The following DLGAP2 variants were observed in gnomAD, a reference collection of about 807,000 sequenced individuals.
DLGAP2 encodes disks large-associated protein 2.
Under a neutral mutation model 100.3 loss-of-function variants are expected in DLGAP2, and 26 were observed. The ratio of observed to expected loss-of-function variants is 0.26; its 90% CI spans 0.19 to 0.36. The LOEUF is 0.36. Among genes scored for constraint, DLGAP2 ranks in the 10% least tolerant of loss-of-function variants. The pLI is 1.00. For synonymous variants in DLGAP2, 886 were observed against 630.1 expected (o/e 1.41, Z -6.08); for missense variants, 1,858 against 1,453.2 (o/e 1.28, Z -4.53).
intron 1 of DLGAP2, among the ~76,000 whole-genome samples, chr8:860,417 G>C (rs534050511): frequency 3.3e-5 from 5 of 152,350 alleles, no homozygotes; most frequent in African/African-American, 1.2e-4. Flanking sequence ...ACACTTTCAA[G>C]GCTCTCCATT....
At chr8:1,345,545 C>G (rs1801535300) in intron 3 of DLGAP2, among the ~76,000 whole-genome samples, 2 of 152,210 alleles carry the variant, frequency 1.3e-5, no homozygotes, top group South Asian at 2.1e-4. Flanking sequence ...ATCTGATAAG[C>G]CATCTTTATT....
At chr8:763,432 T>C (rs1026300972) in intron 1 of DLGAP2, among the ~76,000 whole-genome samples, 14 of 152,242 alleles carry the variant, frequency 9.2e-5, no homozygotes, top group African/African-American at 3.1e-4. Flanking sequence ...GCCGTGCTCT[T>C]CTGCTGTTAG....
At chr8:922,939 T>C (rs1380029876) in intron 2 of DLGAP2, among the ~76,000 whole-genome samples, 1 of 152,118 alleles carries the variant, frequency 6.6e-6, no homozygotes, top group Admixed American at 6.5e-5. Flanking sequence ...AGTTTTGGAA[T>C]ATAGAGGGAG....
intron 6 of DLGAP2, among the ~76,000 whole-genome samples, chr8:1,568,749 C>T (rs1309252599): frequency 2.1e-5 from 3 of 140,294 alleles, no homozygotes; most frequent in Non-Finnish European, 4.7e-5. Flanking sequence ...GCCCGTGGCC[C>T]CCATGCCACT....
At chr8:1,456,376 A>T (rs1005651084) in intron 3 of DLGAP2, among the ~76,000 whole-genome samples, 1 of 152,150 alleles carries the variant, frequency 6.6e-6, no homozygotes, top group East Asian at 1.9e-4. Flanking sequence ...CTTCCTGACT[A>T]ATGGTGCCGT....
intron 3 of DLGAP2, among the ~76,000 whole-genome samples, chr8:1,284,852 A>C (rs1479470573): frequency 2.0e-5 from 3 of 152,216 alleles, no homozygotes; most frequent in African/African-American, 7.2e-5. Context: ...CTCCCACCTC[A>C]AAGTGCTGGG....
At chr8:1,197,557 T>C (rs188783546) in intron 2 of DLGAP2, among the ~76,000 whole-genome samples, 7 of 151,914 alleles carry the variant, frequency 4.6e-5, no homozygotes, top group East Asian at 1.9e-4. Flanking sequence ...CACCAACATG[T>C]AGCATCCAGG....
At chr8:862,189 T>G (rs916187531) in intron 1 of DLGAP2, among the ~76,000 whole-genome samples, 8 of 152,040 alleles carry the variant, frequency 5.3e-5, no homozygotes, top group African/African-American at 1.9e-4. Flanking sequence ...AGAACAAAAA[T>G]AATCCACGGG....
intron 7 of DLGAP2, among the ~76,000 whole-genome samples, chr8:1,629,477 G>T (rs184462635): frequency 6.6e-6 from 1 of 152,224 alleles, no homozygotes; most frequent in Admixed American, 6.5e-5. Context: ...CTAGATAATT[G>T]TAATTATTTT....
At chr8:780,783 G>A (rs1027761704) in intron 1 of DLGAP2, among the ~76,000 whole-genome samples, 3 of 152,184 alleles carry the variant, frequency 2.0e-5, no homozygotes, top group Non-Finnish European at 2.9e-5. Context: ...TGTTCCTGCC[G>A]CCTCACCAAA....
intron 1 of DLGAP2, among the ~76,000 whole-genome samples, chr8:818,921 G>GATT (rs1796535931): frequency 6.6e-6 from 1 of 152,136 alleles, no homozygotes; most frequent in Non-Finnish European, 1.5e-5. Flanking sequence ...ATTTAATGGA[G>GATT]CAGTAACCAT....
chr8:1,701,092 GGGAA>G (rs1408225486), intron 14 of DLGAP2, 92 bp from the exon 15 acceptor site: 23 of 1,157,718 alleles, frequency 2.0e-5, no homozygotes, highest in Admixed American at 5.7e-5. Flanking sequence ...GGCTGCGGTC[GGGAA>G]GGGTCAGGCC....
chr8:1,613,697 G>A (rs188153440), intron 6 of DLGAP2, among the ~76,000 whole-genome samples: 2 of 152,196 alleles, frequency 1.3e-5, no homozygotes, highest in African/African-American at 2.4e-5. Context: ...ACATATTTTG[G>A]GAGAGTAGTT....
chr8:1,498,751 A>T (rs1799621436), intron 3 of DLGAP2, among the ~76,000 whole-genome samples: 2 of 152,240 alleles, frequency 1.3e-5, no homozygotes, highest in Non-Finnish European at 1.5e-5. Flanking sequence ...AGCTTATTTC[A>T]TACCTCAGTG....
chr8:1,557,509 G>T (rs1584924750), intron 5 of DLGAP2, among the ~76,000 whole-genome samples: 1 of 152,144 alleles, frequency 6.6e-6, no homozygotes, highest in Non-Finnish European at 1.5e-5. Flanking sequence ...GAACTCAGGT[G>T]CTGTGTGAAC....
chr8:1,268,187 C>T (rs1412951500), intron 3 of DLGAP2, among the ~76,000 whole-genome samples: 1 of 152,110 alleles, frequency 6.6e-6, no homozygotes, highest in African/African-American at 2.4e-5. Flanking sequence ...AACAATTTTA[C>T]CTCCATGATA....
intron 3 of DLGAP2, among the ~76,000 whole-genome samples, chr8:1,468,777 C>G (rs183168839): frequency 3.3e-5 from 5 of 151,934 alleles, no homozygotes; most frequent in Admixed American, 1.3e-4. Flanking sequence ...GAGCTGCACT[C>G]CCACTGCAGG....
At chr8:816,657 C>G (rs1796486354) in intron 1 of DLGAP2, among the ~76,000 whole-genome samples, 1 of 152,080 alleles carries the variant, frequency 6.6e-6, no homozygotes, top group Non-Finnish European at 1.5e-5. Flanking sequence ...AAAATTGTTT[C>G]CTTTGTCTTG....
chr8:1,080,131 T>TG (rs1484148020), intron 2 of DLGAP2, among the ~76,000 whole-genome samples: 6 of 152,206 alleles, frequency 3.9e-5, no homozygotes, highest in Non-Finnish European at 7.3e-5. Context: ...GCAGGTTCGC[T>TG]GGGGGGTTGC....
Sources: gnomAD v4.1 joint callset for allele counts (sites outside exome capture counted in the v4.1 genomes callset) on GRCh38, gnomAD v4.1.1 for gene constraint, MANE v1.5 for transcripts, NCBI Gene and HGNC (gene_info 2026-07-23, HGNC 2026-07-21) for gene names.